NOS1: variants seen among roughly 807,000 people sequenced by gnomAD.
NOS1 encodes nitric oxide synthase 1, also known as NOS type I.
Under a neutral mutation model 164.5 loss-of-function variants are expected in NOS1, and 51 were observed. The ratio of observed to expected loss-of-function variants is 0.31; its 90% CI spans 0.25 to 0.39. The LOEUF (loss-of-function observed/expected upper bound fraction) is 0.39, where lower values mean the gene tolerates loss of function less well. Ranked by LOEUF, NOS1 falls within the 10% of genes least tolerant of loss-of-function variation. The pLI is 1.00. For synonymous variants in NOS1, 719 were observed against 745.8 expected (o/e 0.96, Z 0.59); for missense variants, 1,362 against 1,885.6 (o/e 0.72, Z 5.14).
At position 117,214,356 on chromosome 12, in the gene NOS1, T is replaced by C. The variant is rs1238935972; in HGVS notation, c.*953A>G. The C allele has an allele frequency of 2.0e-6, 2 of 985,218 alleles. No individual in the cohort carries two copies. Among genetic ancestry groups the C allele is most frequent in the Non-Finnish European group, 1.2e-6 (1 of 829,928 alleles). 61.0% of individuals were successfully genotyped at this position (985,218 alleles called of 1,614,324 possible). ...GTCATCCAGTGGCAAAGTGGGAAGA[T>C]CCTTATTGCCACCAGGCTTCTTTGA... is the stretch of plus-strand genomic sequence containing the variant. On this transcript the variant is annotated 3_prime_UTR_variant, in exon 29 of 29. Coordinates refer to ENST00000317775, the MANE Select transcript of NOS1 (RefSeq NM_000620.5).
chr12:117,268,078 C>A lies in NOS1; in HGVS notation c.1906G>T (p.Val636Leu). The A allele has an allele frequency of 2.5e-6, 4 of 1,614,088 alleles. No homozygotes were observed. The highest frequency in any genetic ancestry group is 3.4e-6 in the Non-Finnish European group (4 of 1,179,972). ...TSSLWKDQAL[V>L]EINIAVLYSF... ...TAGAGAACCGCGATATTGATCTCCA[C>A]CAGCGCCTGGTCCTTCCACAGGGAG... The change falls in exon 11 of 29, where the codon GTG becomes TTG. Residue 636 changes from valine (V) to leucine (L), a missense_variant. Physicochemically the swap from Val to Leu is conservative, Grantham distance 32. Coordinates refer to ENST00000317775, the MANE Select transcript of NOS1 (RefSeq NM_000620.5).
intron 28 of NOS1, 32 bp from the exon 29 acceptor site, chr12:117,215,356 GC>G: frequency 6.6e-7 from 1 of 1,505,838 alleles, no homozygotes; most frequent in Non-Finnish European, 8.9e-7. Context: ...GGCAGTTAGT[GC>G]CCCAAGGGCA....
At chr12:117,237,361 A>C (rs1419306843) in intron 20 of NOS1, among the ~76,000 whole-genome samples, 1 of 119,502 alleles carries the variant, frequency 8.4e-6, no homozygotes, top group African/African-American at 4.3e-5. Context: ...CAAATTCCTG[A>C]TTTCAGATGA....
chr12:117,308,939 T>TCTACATTTGTATGTATGCC (rs1381937736), intron 3 of NOS1, among the ~76,000 whole-genome samples: 12 of 152,174 alleles, frequency 7.9e-5, no homozygotes, highest in Admixed American at 3.3e-4. Flanking sequence ...TATATTTATG[T>TCTACATTTGTATGTATGCC]AAAAATTTGA....
At chr12:117,251,725 C>CTGGTCT (rs1871115001) in intron 17 of NOS1, among the ~76,000 whole-genome samples, 1 of 151,510 alleles carries the variant, frequency 6.6e-6, no homozygotes, top group Admixed American at 6.6e-5. Context: ...GCCACTGTGC[C>CTGGTCT]TGGTCTTGGC....
At position 117,331,204 on chromosome 12, in the gene NOS1, G is replaced by A. The variant is rs1287540003; in HGVS notation, c.-135C>T. ...GGTGACAGGTGCTGACAAGGCTTCAGCCCTCTCTGTCTTTGACGTCAGCTC... is the reference window on the plus strand; with the variant it reads ...GGTGACAGGTGCTGACAAGGCTTCAACCCTCTCTGTCTTTGACGTCAGCTC... On this transcript the variant is annotated 5_prime_UTR_variant, in exon 2 of 29. Transcript: ENST00000317775. The A allele has an allele frequency of 6.9e-6, 8 of 1,154,198 alleles. No homozygotes were observed. Among genetic ancestry groups the A allele is most frequent in the Non-Finnish European group, 9.7e-6 (8 of 822,082 alleles). 71.5% of individuals were successfully genotyped at this position (1,154,198 alleles called of 1,614,324 possible).
Position 117,236,852 on chromosome 12 carries a change from C to T in NOS1, c.3042-2094G>A, listed in dbSNP as rs1489919358. Among the ~76,000 whole-genome samples, 5 of 152,206 alleles carry T rather than the reference C, an allele frequency of 3.3e-5. No homozygotes were observed. In the East Asian group the frequency reaches 7.7e-4, roughly 23 times the overall value. ...CCACCTCCCCCAAAGTCCTCTTGAA[C>T]GAGGCAGAGGGTGGCCGTGCAGACA... On this transcript the variant is annotated intron_variant, in intron 20 of 28. Transcript: ENST00000317775.
rs552409689 is a variant in NOS1 at position 117,306,278 on chromosome 12, C to A, written c.852+5188G>T. Among the ~76,000 whole-genome samples the A allele has an allele frequency of 1.5e-3, 223 of 152,240 alleles. 2 individuals are homozygous for A. The highest frequency in any genetic ancestry group is 5.2e-3 in the African/African-American group (214 of 41,546). ...CAGTCTTACCCCCTTTCTCCAGCAC[C>A]CTCAAAGTCCTTCCCTTCTCCAAGC... On this transcript the variant is annotated intron_variant, in intron 3 of 28. Transcript: ENST00000317775.
intron 1 of NOS1, among the ~76,000 whole-genome samples, chr12:117,332,233 G>A (rs974970843): frequency 6.6e-6 from 1 of 152,056 alleles, no homozygotes; most frequent in African/African-American, 2.4e-5. Flanking sequence ...GACTAAACAC[G>A]GCAGACACTT....
intron 25 of NOS1, among the ~76,000 whole-genome samples, chr12:117,223,656 A>G (rs1868395032): frequency 6.6e-6 from 1 of 151,864 alleles, no homozygotes; most frequent in Admixed American, 6.6e-5. Flanking sequence ...GGCTCACTGC[A>G]ACCTGCAGAG....
At position 117,208,281 on chromosome 12, in the gene NOS1, G is replaced by A. The variant is rs540749852; in HGVS notation, c.*7028C>T. On this transcript the variant is annotated 3_prime_UTR_variant, in exon 29 of 29. Coordinates refer to ENST00000317775, the MANE Select transcript of NOS1 (RefSeq NM_000620.5). ...CAGCCTGGACAACCTCGCAAAGAGC[G>A]TGGGGTGGGCGTCAGTCCTTCAAGG... 9 of 1,288,690 alleles carry A rather than the reference G, an allele frequency of 7.0e-6. No individual in the cohort carries two copies. Among genetic ancestry groups the A allele is most frequent in the Middle Eastern group, 2.1e-4 (1 of 4,686 alleles). 79.8% of individuals were successfully genotyped at this position (1,288,690 alleles called of 1,614,324 possible).
chr12:117,316,455 A>T (rs1459876480), intron 2 of NOS1, among the ~76,000 whole-genome samples: 1 of 152,044 alleles, frequency 6.6e-6, no homozygotes, highest in Admixed American at 6.6e-5. Context: ...TTGCTCTTTC[A>T]TGTTCCCTCT....
In NOS1 at chr12:117,212,929, T is replaced by C; in HGVS notation, c.*2380A>G. ...TCTCCTGCCTTCTAGCCTGGAGTTG[T>C]GAAGCAGCTTGTGTTGGGGATTGAA... is the stretch of plus-strand genomic sequence containing the variant. On this transcript the variant is annotated 3_prime_UTR_variant, in exon 29 of 29. Coordinates refer to ENST00000317775, the MANE Select transcript of NOS1 (RefSeq NM_000620.5). 5.1e-6 allele frequency: 5 copies of C among 985,420 alleles called. No homozygotes were observed. Among genetic ancestry groups the C allele is most frequent in the Non-Finnish European group, 6.0e-6 (5 of 829,930 alleles). 61.0% of individuals were successfully genotyped at this position (985,420 alleles called of 1,614,324 possible).
chr12:117,246,609 T>C (rs1870638362), intron 18 of NOS1, among the ~76,000 whole-genome samples: 1 of 152,174 alleles, frequency 6.6e-6, no homozygotes, highest in Non-Finnish European at 1.5e-5. Context: ...AAAAACTTTT[T>C]TATCTATTAG....
At position 117,215,291 on chromosome 12, in the gene NOS1, C is replaced by G. The variant is rs906633466; in HGVS notation, c.*18G>C. 2 of 1,549,380 alleles carry G rather than the reference C, an allele frequency of 1.3e-6. No homozygotes were observed. The highest frequency in any genetic ancestry group is 1.7e-6 in the Non-Finnish European group (2 of 1,147,060). On this transcript the variant is annotated 3_prime_UTR_variant, in exon 29 of 29. Coordinates refer to ENST00000317775, the MANE Select transcript of NOS1 (RefSeq NM_000620.5). Reference sequence around the variant, plus strand: ...CCGCGCTTACAAAACTTGCAGCCGGCTGGGCAAGAGGGTCCAGTTAGGAGC... The same window carrying G: ...CCGCGCTTACAAAACTTGCAGCCGGGTGGGCAAGAGGGTCCAGTTAGGAGC...
chr12:117,356,893 CT>C lies in NOS1; in HGVS notation c.-421+4618del, dbSNP rs1876878911. On this transcript the variant is annotated intron_variant, in intron 1 of 28. Coordinates refer to ENST00000317775, the MANE Select transcript of NOS1 (RefSeq NM_000620.5). This position sits in a 1 kb window ranked among gnomAD's most constrained non-coding sequence, Gnocchi z 4.2. The stretch of plus-strand genomic sequence containing the variant: ...AGCAACATAAACACACTTGCAAAGG[CT>C]GAGTGGAAGGCCGATGGGCTGTGGA... Among the ~76,000 whole-genome samples, 1 of 152,200 alleles carries C rather than the reference CT, an allele frequency of 6.6e-6. No individual in the cohort carries two copies. The highest frequency in any genetic ancestry group is 1.5e-5 in the Non-Finnish European group (1 of 68,046).
intron 3 of NOS1, among the ~76,000 whole-genome samples, chr12:117,309,647 A>G (rs939803627): frequency 6.6e-6 from 1 of 152,210 alleles, no homozygotes; most frequent in East Asian, 1.9e-4. Flanking sequence ...CTTACTGGAC[A>G]GGTAAGACAA....
intron 20 of NOS1, among the ~76,000 whole-genome samples, chr12:117,239,711 C>CTT (rs57331249): frequency 4.1e-4 from 60 of 145,342 alleles, no homozygotes; most frequent in African/African-American, 1.3e-3. Context: ...TTTTCTTCTT[C>CTT]TTTTTTTTTT....
At chr12:117,351,138 G>T (rs1876599212) in intron 1 of NOS1, among the ~76,000 whole-genome samples, 1 of 152,060 alleles carries the variant, frequency 6.6e-6, no homozygotes, top group Non-Finnish European at 1.5e-5. Context: ...AAAAAAAAAA[G>T]TCTCTTGCCC....
Sources: gnomAD v4.1 joint callset for allele counts (sites outside exome capture counted in the v4.1 genomes callset) on GRCh38, gnomAD v4.1.1 for gene constraint, Gnocchi (gnomAD v3.1) non-coding constraint, MANE v1.5 for transcripts, NCBI Gene and HGNC (gene_info 2026-07-23, HGNC 2026-07-21) for gene names.